The following SULT1B1 variants were observed in gnomAD, a reference collection of about 807,000 sequenced individuals.
SULT1B1 encodes sulfotransferase 1B1.
SULT1B1 carries 28 observed loss-of-function variants against 34.6 expected under a neutral mutation model. The observed-to-expected ratio is 0.81, with a 90% CI of 0.60 to 1.11. SULT1B1 has a LOEUF of 1.11. Among genes scored for constraint, SULT1B1 ranks in the 50% least tolerant of loss-of-function variants. The pLI is 0.00. For missense variants in SULT1B1, 374 were observed against 352.2 expected (o/e 1.06, Z -0.50); for synonymous variants, 147 against 110.2 (o/e 1.33, Z -2.09).
intron 5 of SULT1B1, among the ~76,000 whole-genome samples, 175 bp downstream of exon 5, chr4:69,733,963 A>G (rs1718189893): frequency 1.3e-5 from 2 of 152,188 alleles, no homozygotes; most frequent in African/African-American, 4.8e-5. Context: ...CTAGTTTTAT[A>G]AATTGAAGGT....
intron 4 of SULT1B1, among the ~76,000 whole-genome samples, chr4:69,738,620 A>G (rs7442218): frequency 0.61 from 92,926 of 151,798 alleles, 28,579 homozygotes; most frequent in East Asian, 0.72. Flanking sequence ...AGATTTGGGT[A>G]GGAACACAGA....
rs895192519 is a variant in SULT1B1, at chr4:69,725,323, A to G, written c.*1765T>C. 5 of 152,216 alleles carry G rather than the reference A, an allele frequency of 3.3e-5. No individual in the cohort carries two copies. The highest frequency in any genetic ancestry group is 1.2e-4 in the African/African-American group (5 of 41,462). 9.4% of individuals were successfully genotyped at this position (152,216 alleles called of 1,614,324 possible). A position where few individuals can be genotyped will look rare whatever the true frequency, so the allele number is the denominator to read the frequency against. ...ATGCAAATCAAAACCACAATGAGAT[A>G]CCATCTCACACCAGTTAGAATGGCA... is the stretch of plus-strand genomic sequence containing the variant. On this transcript the variant is annotated 3_prime_UTR_variant, in exon 8 of 8. Coordinates refer to ENST00000310613, the MANE Select transcript of SULT1B1 (RefSeq NM_014465.4).
At chr4:69,750,927 G>A (rs1310584198) in intron 3 of SULT1B1, among the ~76,000 whole-genome samples, 1 of 152,074 alleles carries the variant, frequency 6.6e-6, no homozygotes, top group Non-Finnish European at 1.5e-5. Context: ...TGGCATACAG[G>A]AAATTAAAAA....
At chr4:69,744,649 T>C (rs904890194) in intron 4 of SULT1B1, among the ~76,000 whole-genome samples, 1 of 152,228 alleles carries the variant, frequency 6.6e-6, no homozygotes, top group African/African-American at 2.4e-5. Context: ...TAGTGGTATA[T>C]CTTATTTATT....
rs1015238019 is a variant in SULT1B1 at position 69,725,779 on chromosome 4, A to G, written c.*1309T>C. On this transcript the variant is annotated 3_prime_UTR_variant, in exon 8 of 8. Transcript: ENST00000310613. ...AGCAAACTATTGCAAGAACAAAAAA[A>G]CCAAACACCTCATGTTCTTAGTCAT... 1.3e-5 allele frequency: 2 copies of G among 151,634 alleles called. No homozygotes were observed. Among genetic ancestry groups the G allele is most frequent in the Admixed American group, 6.6e-5 (1 of 15,166 alleles). 9.4% of individuals were successfully genotyped at this position (151,634 alleles called of 1,614,324 possible). A position where few individuals can be genotyped will look rare whatever the true frequency, so the allele number is the denominator to read the frequency against.
chr4:69,754,730 C>G lies in SULT1B1; in HGVS notation c.217G>C (p.Gly73Arg). 1 of 1,612,624 alleles carries G rather than the reference C, an allele frequency of 6.2e-7. No individual in the cohort carries two copies. Among genetic ancestry groups the G allele is most frequent in the Non-Finnish European group, 8.5e-7 (1 of 1,179,158 alleles). ...ATTGGAACTTTTTCAGTAATAAAAC[C>G]TCGCTTACATTTTTCAATATCTCCA... ...NDGDIEKCKR[G>R]FITEKVPMLE... The change falls in exon 3 of 8, where the codon GGT becomes CGT. Residue 73 changes from glycine (G) to arginine (R), a missense_variant. Gly to Arg is a moderately radical substitution (Grantham distance 125). Transcript: ENST00000310613.
At chr4:69,734,518 C>T (rs1051541354) in intron 4 of SULT1B1, among the ~76,000 whole-genome samples, 1 of 152,086 alleles carries the variant, frequency 6.6e-6, no homozygotes, top group African/African-American at 2.4e-5. Context: ...GGCCACTTGA[C>T]ACTGTGAAGC....
intron 1 of SULT1B1, among the ~76,000 whole-genome samples, chr4:69,757,538 C>T (rs1719237684): frequency 6.6e-6 from 1 of 152,000 alleles, no homozygotes; most frequent in Non-Finnish European, 1.5e-5. Flanking sequence ...GTTAGTATAA[C>T]AGCCTTGTAT....
intron 7 of SULT1B1, 83 bp downstream of exon 7, chr4:69,730,418 G>C (rs1352718958): frequency 7.8e-7 from 1 of 1,288,340 alleles, no homozygotes; most frequent in Non-Finnish European, 1.1e-6. Flanking sequence ...AAGAAACTTA[G>C]TAGAGATCAC....
Position 69,755,274 on chromosome 4 carries a change from A to C in SULT1B1, c.-44-13T>G. The C allele has an allele frequency of 1.3e-6, 2 of 1,569,666 alleles. No homozygotes were observed. The highest frequency in any genetic ancestry group is 1.7e-6 in the Non-Finnish European group (2 of 1,146,568). Reference sequence around the variant, plus strand: ...ATTGACAGTTGTTCTGGAGAAATATAGAGAATAAAAATCAGAATCTGAGTA... The same window carrying C: ...ATTGACAGTTGTTCTGGAGAAATATCGAGAATAAAAATCAGAATCTGAGTA... On this transcript the variant is annotated splice_polypyrimidine_tract_variant and intron_variant, in intron 1 of 7. Coordinates refer to ENST00000310613, the MANE Select transcript of SULT1B1 (RefSeq NM_014465.4).
chr4:69,757,007 T>C (rs1719218702), intron 1 of SULT1B1, among the ~76,000 whole-genome samples: 1 of 151,424 alleles, frequency 6.6e-6, no homozygotes, highest in African/African-American at 2.4e-5. Context: ...ACAAAGTAAT[T>C]TTTCATCAGA....
intron 3 of SULT1B1, among the ~76,000 whole-genome samples, chr4:69,753,472 A>G (rs951814777): frequency 6.6e-5 from 10 of 152,200 alleles, no homozygotes; most frequent in Non-Finnish European, 1.3e-4. Context: ...TTCTTGGAAT[A>G]AAATGAGAAA....
intron 7 of SULT1B1, among the ~76,000 whole-genome samples, chr4:69,728,872 G>A (rs1408309097): frequency 6.6e-6 from 1 of 151,968 alleles, no homozygotes; most frequent in African/African-American, 2.4e-5. Context: ...TTCAGGGAAT[G>A]GTGTAGCCTG....
At chr4:69,735,889 A>T (rs1718290599) in intron 4 of SULT1B1, among the ~76,000 whole-genome samples, 1 of 152,166 alleles carries the variant, frequency 6.6e-6, no homozygotes, top group South Asian at 2.1e-4. Flanking sequence ...GAGAACCAAA[A>T]ATCAGGTGAG....
chr4:69,736,164 A>G (rs566322920), intron 4 of SULT1B1, among the ~76,000 whole-genome samples: 3 of 152,260 alleles, frequency 2.0e-5, no homozygotes, highest in African/African-American at 4.8e-5. Context: ...ATATAGACCA[A>G]TCCTATCTAG....
intron 1 of SULT1B1, among the ~76,000 whole-genome samples, chr4:69,756,617 C>T (rs1166521849): frequency 6.6e-6 from 1 of 152,066 alleles, no homozygotes; most frequent in Non-Finnish European, 1.5e-5. Context: ...TTTCTTTATT[C>T]CTGCCTGCAG....
intron 4 of SULT1B1, among the ~76,000 whole-genome samples, chr4:69,743,070 C>T (rs925741198): frequency 2.6e-5 from 4 of 152,218 alleles, no homozygotes; most frequent in African/African-American, 9.6e-5. Flanking sequence ...GGCCACAGGT[C>T]TTCTCTCTTT....
At chr4:69,728,635 G>GGAA (rs112982432) in intron 7 of SULT1B1, among the ~76,000 whole-genome samples, 1 of 151,466 alleles carries the variant, frequency 6.6e-6, no homozygotes, top group African/African-American at 2.4e-5. Context: ...GGATACATCA[G>GGAA]GGAAGGAAGG....
intron 3 of SULT1B1, among the ~76,000 whole-genome samples, chr4:69,753,681 A>T (rs1719072202): frequency 6.6e-6 from 1 of 152,210 alleles, no homozygotes; most frequent in South Asian, 2.1e-4. Flanking sequence ...AATTTGGAGT[A>T]GATACCCCTT....
Sources: gnomAD v4.1 joint callset for allele counts (sites outside exome capture counted in the v4.1 genomes callset) on GRCh38, gnomAD v4.1.1 for gene constraint, MANE v1.5 for transcripts, NCBI Gene and HGNC (gene_info 2026-07-23, HGNC 2026-07-21) for gene names.